The following RNF180 variants were observed in gnomAD, a reference collection of about 807,000 sequenced individuals.
The protein encoded by RNF180 is ring finger protein 180.
RNF180 carries 38 observed loss-of-function variants against 59.2 expected under a neutral mutation model. The ratio of observed to expected loss-of-function variants is 0.64; its 90% confidence interval spans 0.50 to 0.84. RNF180 has a LOEUF of 0.84. Ranked by LOEUF, RNF180 falls within the 40% of genes least tolerant of loss-of-function variation. RNF180 has a pLI of 0.00. For missense variants in RNF180, 705 were observed against 700.9 expected, an observed-to-expected ratio of 1.01 and a Z score of -0.07; for synonymous variants, 262 against 240.3, an observed-to-expected ratio of 1.09 and a Z score of -0.84.
At chr5:64,231,788 T>C (rs1304286858) in intron 5 of RNF180, among the ~76,000 whole-genome samples, 1 of 152,144 alleles carries the variant, frequency 6.6e-6, no homozygotes, top group East Asian at 1.9e-4. Flanking sequence ...GGTGAATGCG[T>C]TTATTATTGG....
At chr5:64,322,602 CGTGTGTGTGTGTGTGTGTGT>C (rs76117470) in intron 5 of RNF180, among the ~76,000 whole-genome samples, 1 of 143,428 alleles carries the variant, frequency 7.0e-6, no homozygotes, top group East Asian at 2.1e-4. Flanking sequence ...TATATATATA[CGTGTGTGTGTGTGTGTGTGT>C]GTGTGTGTGT....
intron 1 of RNF180, among the ~76,000 whole-genome samples, chr5:64,177,643 A>G (rs561965319): frequency 2.0e-5 from 3 of 151,054 alleles, no homozygotes; most frequent in Admixed American, 6.6e-5. Context: ...TTATAAGGTT[A>G]GATCTACAGA....
chr5:64,300,818 C>T (rs1225038302), intron 5 of RNF180, among the ~76,000 whole-genome samples: 1 of 151,756 alleles, frequency 6.6e-6, no homozygotes, highest in African/African-American at 2.4e-5. Context: ...TAAAGTGTCT[C>T]TCCATGTATT....
At chr5:64,236,211 G>A (rs565744422) in intron 5 of RNF180, among the ~76,000 whole-genome samples, 9 of 152,330 alleles carry the variant, frequency 5.9e-5, no homozygotes, top group Admixed American at 3.3e-4. Flanking sequence ...CTAAGGCTGA[G>A]TTGGTCTCAG....
intron 5 of RNF180, among the ~76,000 whole-genome samples, chr5:64,225,719 G>A (rs542216528): frequency 1.8e-4 from 25 of 142,614 alleles, no homozygotes; most frequent in African/African-American, 6.1e-4. Context: ...CGCCCCGTCT[G>A]GGAAGTGAGG....
chr5:64,238,111 G>A (rs1167524418), intron 5 of RNF180, among the ~76,000 whole-genome samples: 6 of 152,196 alleles, frequency 3.9e-5, no homozygotes, highest in African/African-American at 1.4e-4. Flanking sequence ...TTCCATGACT[G>A]GCTTATTCAC....
At chr5:64,167,759 A>G (rs892690974) in intron 1 of RNF180, among the ~76,000 whole-genome samples, 2 of 152,160 alleles carry the variant, frequency 1.3e-5, no homozygotes, top group Non-Finnish European at 2.9e-5. Context: ...ACTACATAGT[A>G]CAAGGGGACA....
chr5:64,280,253 A>G (rs1741940222), intron 5 of RNF180, among the ~76,000 whole-genome samples: 1 of 152,062 alleles, frequency 6.6e-6, no homozygotes, highest in Non-Finnish European at 1.5e-5. Flanking sequence ...ATTTTCTTCC[A>G]TTCTATAGAT....
intron 5 of RNF180, among the ~76,000 whole-genome samples, chr5:64,312,606 A>C (rs1421264853): frequency 1.3e-5 from 2 of 152,180 alleles, no homozygotes; most frequent in Middle Eastern, 3.4e-3. Flanking sequence ...AGTGTTGTTA[A>C]TCGTTCAGCA....
chr5:64,242,016 T>G lies in RNF180; in HGVS notation c.1227+24620T>G, dbSNP rs73097080. Among the ~76,000 whole-genome samples, 1,244 of 152,254 alleles carry G rather than the reference T, an allele frequency of 8.2e-3. 17 individuals carry two copies. The highest frequency in any genetic ancestry group is 0.029 in the African/African-American group (1,188 of 41,514). ...GACTTAGTCTCTAGTCCTCCCACCC[T>G]CCTGCACTGGACTGATTCCACTGGC... On this transcript the variant is annotated intron_variant, in intron 5 of 7. Transcript: ENST00000389100.
At chr5:64,329,678 GA>G (rs1226185271) in intron 6 of RNF180, among the ~76,000 whole-genome samples, 1 of 152,064 alleles carries the variant, frequency 6.6e-6, no homozygotes, top group African/African-American at 2.4e-5. Context: ...GGCTGGTCTT[GA>G]ACTCCTGACC....
At chr5:64,337,211 T>C (rs940107169) in intron 7 of RNF180, among the ~76,000 whole-genome samples, 3 of 152,144 alleles carry the variant, frequency 2.0e-5, no homozygotes, top group Non-Finnish European at 4.4e-5. Flanking sequence ...GCTCTCACTA[T>C]GTTGCCTAGG....
chr5:64,338,775 A>C (rs1414550043), intron 7 of RNF180, among the ~76,000 whole-genome samples: 1 of 152,018 alleles, frequency 6.6e-6, no homozygotes, highest in African/African-American at 2.4e-5. Context: ...AGTTTTTCTT[A>C]AATGGAGTTT....
intron 1 of RNF180, among the ~76,000 whole-genome samples, chr5:64,194,702 T>A (rs1009664682): frequency 3.3e-5 from 5 of 152,194 alleles, no homozygotes; most frequent in Non-Finnish European, 7.3e-5. Context: ...CCATTCAAAC[T>A]GGTGTGAGAT....
intron 1 of RNF180, among the ~76,000 whole-genome samples, chr5:64,190,060 T>A (rs1751064304): frequency 6.6e-6 from 1 of 152,132 alleles, no homozygotes; most frequent in African/African-American, 2.4e-5. Flanking sequence ...TCTCTTCAGT[T>A]TTAGCAGTTG....
At chr5:64,279,581 T>G (rs945708896) in intron 5 of RNF180, among the ~76,000 whole-genome samples, 1 of 152,218 alleles carries the variant, frequency 6.6e-6, no homozygotes, top group Non-Finnish European at 1.5e-5. Context: ...AGGAAAAATC[T>G]CTAGGAAGAT....
intron 5 of RNF180, among the ~76,000 whole-genome samples, chr5:64,267,007 A>G (rs1167773253): frequency 1.3e-5 from 2 of 152,238 alleles, no homozygotes; most frequent in East Asian, 3.9e-4. Flanking sequence ...TTTTTGCTGA[A>G]GAAATATTAG....
At chr5:64,354,143 CA>C (rs1745925921) in intron 7 of RNF180, among the ~76,000 whole-genome samples, 1 of 151,404 alleles carries the variant, frequency 6.6e-6, no homozygotes, top group African/African-American at 2.4e-5. Context: ...TAATGAAATA[CA>C]GAATAGAAAA....
intron 2 of RNF180, among the ~76,000 whole-genome samples, chr5:64,209,253 A>G (rs1232664469): frequency 6.6e-6 from 1 of 152,044 alleles, no homozygotes; most frequent in Non-Finnish European, 1.5e-5. Context: ...ACTTTCTTCT[A>G]CCTACAACTG....
Sources: gnomAD v4.1 joint callset for allele counts (sites outside exome capture counted in the v4.1 genomes callset) on GRCh38, gnomAD v4.1.1 for gene constraint, MANE v1.5 for transcripts, NCBI Gene and HGNC (gene_info 2026-07-23, HGNC 2026-07-21) for gene names.